LRP1B: variants seen among roughly 807,000 people sequenced by gnomAD.
The protein encoded by LRP1B is low-density lipoprotein receptor-related protein 1B.
A neutral mutation model predicts 556.6 loss-of-function variants in LRP1B; 217 were observed. That is an observed-to-expected ratio of 0.39 (90% CI 0.35 to 0.44). LRP1B has a LOEUF of 0.44. Ranked by LOEUF, LRP1B falls within the 20% of genes least tolerant of loss-of-function variation. The probability of loss-of-function intolerance (pLI) is 1.00; values close to 1 mark genes in which losing one functional copy is unlikely to be tolerated. For missense variants in LRP1B, 5,053 were observed against 5,620.8 expected (o/e 0.90, Z 3.23); for synonymous variants, 2,047 against 1,865.8 (o/e 1.10, Z -2.50).
At chr2:140,826,789 G>A (rs1691524062) in intron 31 of LRP1B, among the ~76,000 whole-genome samples, 1 of 152,152 alleles carries the variant, frequency 6.6e-6, no homozygotes, top group South Asian at 2.1e-4. Context: ...GGCCTGTAGG[G>A]AGAAAACCCC....
chr2:141,072,299 G>T (rs550561311), intron 7 of LRP1B, among the ~76,000 whole-genome samples: 39 of 152,160 alleles, frequency 2.6e-4, no homozygotes, highest in African/African-American at 9.4e-4. Context: ...ACAATCTTCT[G>T]ATTCTTGTAT....
intron 41 of LRP1B, among the ~76,000 whole-genome samples, chr2:140,645,720 A>G (rs891406871): frequency 1.3e-5 from 2 of 151,360 alleles, no homozygotes; most frequent in African/African-American, 4.9e-5. Flanking sequence ...TTGTATTTTT[A>G]GTAGAGACGG....
chr2:142,043,529 G>C (rs762147709), intron 1 of LRP1B, among the ~76,000 whole-genome samples: 2 of 151,552 alleles, frequency 1.3e-5, no homozygotes, highest in Non-Finnish European at 3.0e-5. Flanking sequence ...TTATATTTTG[G>C]ATGTCAGCTG....
At chr2:141,414,802 T>C (rs1434431474) in intron 3 of LRP1B, among the ~76,000 whole-genome samples, 1 of 152,198 alleles carries the variant, frequency 6.6e-6, no homozygotes, top group Non-Finnish European at 1.5e-5. Context: ...TTGTTGTAGT[T>C]TATAACCAAA....
chr2:141,447,364 C>T (rs1280837212), intron 3 of LRP1B, among the ~76,000 whole-genome samples: 2 of 151,932 alleles, frequency 1.3e-5, no homozygotes, highest in African/African-American at 4.8e-5. Context: ...GAACATGCTC[C>T]TTTAGCTTGG....
intron 41 of LRP1B, among the ~76,000 whole-genome samples, chr2:140,669,434 A>T (rs1685403119): frequency 6.6e-6 from 1 of 152,144 alleles, no homozygotes; most frequent in Non-Finnish European, 1.5e-5. Context: ...AAAGCTCTGG[A>T]AATAAGTAAT....
rs369070793 is a variant in LRP1B, at chr2:142,064,070, TTTTC to T, written c.82+66574_82+66577del. On this transcript the variant is annotated intron_variant, in intron 1 of 90. Transcript: ENST00000389484. ...GACAAGAATGCTTTGAAGAAAAATG[TTTTC>T]TTTCTATGTCTAGTAAATCCAAATT... Among the ~76,000 whole-genome samples the T allele has an allele frequency of 2.6e-3, 399 of 151,748 alleles. 1 individual carries two copies. Among genetic ancestry groups the T allele is most frequent in the African/African-American group, 9.1e-3 (376 of 41,496 alleles).
chr2:140,300,185 A>G (rs1248723245), intron 83 of LRP1B, among the ~76,000 whole-genome samples: 1 of 152,128 alleles, frequency 6.6e-6, no homozygotes, highest in Non-Finnish European at 1.5e-5. Context: ...ATTATTTTAA[A>G]AGTTCTTATT....
intron 28 of LRP1B, 76 bp from the exon 29 acceptor site, chr2:140,850,405 T>A (rs1456830212): frequency 1.4e-6 from 1 of 720,130 alleles, no homozygotes; most frequent in Non-Finnish European, 2.2e-6. Context: ...AAATATTACT[T>A]GATTTAATAC....
At chr2:141,755,862 T>C (rs1694301219) in intron 2 of LRP1B, among the ~76,000 whole-genome samples, 1 of 151,962 alleles carries the variant, frequency 6.6e-6, no homozygotes, top group Admixed American at 6.5e-5. Context: ...GACTCTTTAG[T>C]AATTTAACAA....
chr2:140,736,740 C>G (rs1486111892), intron 35 of LRP1B, among the ~76,000 whole-genome samples: 1 of 152,104 alleles, frequency 6.6e-6, no homozygotes, highest in Non-Finnish European at 1.5e-5. Flanking sequence ...AGACCTAAAA[C>G]CATAAAAATC....
chr2:140,585,303 T>C (rs1558985073), intron 43 of LRP1B, among the ~76,000 whole-genome samples: 2 of 152,084 alleles, frequency 1.3e-5, no homozygotes, highest in African/African-American at 2.4e-5. Context: ...AATTAAGGTG[T>C]AGAAGGATTA....
At chr2:140,763,178 C>T (rs1254441370) in intron 35 of LRP1B, among the ~76,000 whole-genome samples, 1 of 152,022 alleles carries the variant, frequency 6.6e-6, no homozygotes, top group Non-Finnish European at 1.5e-5. Context: ...TCTGCTCAAA[C>T]ATATATAATT....
At chr2:140,724,808 A>T (rs796102779) in intron 35 of LRP1B, among the ~76,000 whole-genome samples, 1 of 32,520 alleles carries the variant, frequency 3.1e-5, no homozygotes, top group Non-Finnish European at 5.5e-5. Context: ...TTATCGAGAT[A>T]AAAAAATAAT....
At chr2:141,143,536 A>G (rs1701709445) in intron 7 of LRP1B, among the ~76,000 whole-genome samples, 1 of 152,180 alleles carries the variant, frequency 6.6e-6, no homozygotes, top group Non-Finnish European at 1.5e-5. Flanking sequence ...CTAAATTCCT[A>G]GGATCTTATT....
chr2:141,575,402 A>C (rs1367729689), intron 2 of LRP1B, among the ~76,000 whole-genome samples: 1 of 152,238 alleles, frequency 6.6e-6, no homozygotes, highest in Non-Finnish European at 1.5e-5. Context: ...AAAACCGGCA[A>C]GCCATATGCA....
chr2:140,530,206 C>T lies in LRP1B; in HGVS notation c.7762+3815G>A, dbSNP rs554291290. On this transcript the variant is annotated intron_variant, in intron 47 of 90. Coordinates refer to ENST00000389484, the MANE Select transcript of LRP1B (RefSeq NM_018557.3). ...TATATACTGACTTCCAATTGTATCA[C>T]TTTATCTTTTATATTTTATTTTGAT... 3.7e-3 allele frequency among the ~76,000 whole-genome samples: 559 copies of T among 152,174 alleles called. 2 individuals are homozygous for T. The highest frequency in any genetic ancestry group is 6.7e-3 in the Non-Finnish European group (455 of 68,000).
intron 32 of LRP1B, among the ~76,000 whole-genome samples, chr2:140,809,529 C>T (rs927401944): frequency 2.0e-5 from 3 of 152,130 alleles, no homozygotes; most frequent in African/African-American, 7.2e-5. Context: ...GGTTTTATCA[C>T]CCCTGACATA....
At chr2:140,933,572 A>G (rs1296312501) in intron 20 of LRP1B, among the ~76,000 whole-genome samples, 1 of 152,070 alleles carries the variant, frequency 6.6e-6, no homozygotes, top group Admixed American at 6.6e-5. Flanking sequence ...CAACAGGGTG[A>G]GGTTCTTCAT....
Sources: gnomAD v4.1 joint callset for allele counts (sites outside exome capture counted in the v4.1 genomes callset) on GRCh38, gnomAD v4.1.1 for gene constraint, MANE v1.5 for transcripts, NCBI Gene and HGNC (gene_info 2026-07-23, HGNC 2026-07-21) for gene names.